SCMH1: variants seen among roughly 807,000 people sequenced by gnomAD.
SCMH1 encodes polycomb protein SCMH1.
SCMH1 carries 37 observed loss-of-function variants against 70.8 expected under a neutral mutation model. The ratio of observed to expected loss-of-function variants is 0.52; its 90% CI spans 0.40 to 0.69. The LOEUF (loss-of-function observed/expected upper bound fraction) is 0.69. SCMH1 is among the 30% of genes least tolerant of loss of function. SCMH1 has a pLI of 0.00. For missense variants in SCMH1, 607 were observed against 827.3 expected (o/e 0.73, Z 3.27); for synonymous variants, 292 against 307.4 (o/e 0.95, Z 0.52).
At chr1:41,107,912 C>A (rs1668397042) in intron 8 of SCMH1, among the ~76,000 whole-genome samples, 1 of 152,270 alleles carries the variant, frequency 6.6e-6, no homozygotes, top group Middle Eastern at 3.4e-3. Flanking sequence ...AGAGAACATT[C>A]TTTAAGTATG....
Position 41,154,644 on chromosome 1 carries a change from C to T in SCMH1, c.107-2960G>A, listed in dbSNP as rs16827938. ...TCTGTTATGATAATGATAAAGTTTA[C>T]GAGGTAGTACAGGTTGTCTTGAGAT... On this transcript the variant is annotated intron_variant, in intron 4 of 14. Coordinates refer to ENST00000337495, the Ensembl canonical transcript of SCMH1. Among the ~76,000 whole-genome samples, 6 of 152,164 alleles carry T rather than the reference C, an allele frequency of 3.9e-5. No individual in the cohort carries two copies. In the South Asian group the frequency reaches 1.2e-3, roughly 32 times the overall value.
At position 41,034,710 on chromosome 1, in the gene SCMH1, G is replaced by A. The variant is rs1645053406; in HGVS notation, c.1678+2652C>T. Among the ~76,000 whole-genome samples, 4 of 152,076 alleles carry A rather than the reference G, an allele frequency of 2.6e-5. No individual in the cohort carries two copies. The South Asian group carries it at 8.3e-4, about 32-fold the overall frequency. Reference sequence around the variant, plus strand: ...TCACTCATGCGTCCCTGGGCTGGAGGAGGCTGGAATCAGGGTGTGGAAGTG... The same window carrying A: ...TCACTCATGCGTCCCTGGGCTGGAGAAGGCTGGAATCAGGGTGTGGAAGTG... On this transcript the variant is annotated intron_variant, in intron 13 of 14. Coordinates refer to ENST00000337495, the Ensembl canonical transcript of SCMH1.
At chr1:41,097,465 A>G (rs1464260555) in intron 8 of SCMH1, among the ~76,000 whole-genome samples, 8 of 152,094 alleles carry the variant, frequency 5.3e-5, no homozygotes, top group Non-Finnish European at 1.5e-5. Context: ...GAATGTCTCA[A>G]ATTCATTTCT....
At chr1:41,066,320 C>T (rs150185830) in intron 10 of SCMH1, among the ~76,000 whole-genome samples, 1 of 152,174 alleles carries the variant, frequency 6.6e-6, no homozygotes, top group Non-Finnish European at 1.5e-5. Flanking sequence ...TGATTCCATA[C>T]GTGGGGATGT....
At chr1:41,119,981 A>G (rs906764915) in intron 6 of SCMH1, among the ~76,000 whole-genome samples, 6 of 152,170 alleles carry the variant, frequency 3.9e-5, no homozygotes, top group Admixed American at 3.3e-4. Context: ...AACTCTCCTT[A>G]GGTCAGGGAA....
intron 1 of SCMH1, among the ~76,000 whole-genome samples, chr1:41,190,185 T>C (rs999637413): frequency 1.3e-5 from 2 of 152,192 alleles, no homozygotes; most frequent in African/African-American, 4.8e-5. Flanking sequence ...ATGCACAATC[T>C]CATTTAAAGT....
At chr1:41,233,723 TCTTTAGGGC>T (rs1661758159) in intron 1 of SCMH1, among the ~76,000 whole-genome samples, 1 of 152,200 alleles carries the variant, frequency 6.6e-6, no homozygotes, top group African/African-American at 2.4e-5. Context: ...CCATTTCATG[TCTTTAGGGC>T]CTTTCACACT....
intron 14 of SCMH1, 33 bp downstream of exon 15, chr1:41,028,551 G>T: frequency 6.2e-7 from 1 of 1,613,464 alleles, no homozygotes; most frequent in Non-Finnish European, 8.5e-7. Context: ...CTCCACACAG[G>T]TTCCTACTGA....
At chr1:41,077,565 G>A (rs1223253563) in intron 8 of SCMH1, among the ~76,000 whole-genome samples, 2 of 152,300 alleles carry the variant, frequency 1.3e-5, no homozygotes, top group Admixed American at 6.5e-5. Flanking sequence ...TATAAGGGGT[G>A]AGAGGTAATA....
intron 13 of SCMH1, among the ~76,000 whole-genome samples, chr1:41,036,692 C>T (rs1419362640): frequency 6.6e-6 from 1 of 152,188 alleles, no homozygotes; most frequent in Non-Finnish European, 1.5e-5. Flanking sequence ...CTTGACCTTT[C>T]CAGGCTTTTC....
Position 41,113,421 on chromosome 1 carries a change from G to A in SCMH1, c.607C>T (p.Arg203Trp), listed in dbSNP as rs1381280086. 20 of 1,613,798 alleles carry A rather than the reference G, an allele frequency of 1.2e-5. No homozygotes were observed. The highest frequency in any genetic ancestry group is 1.6e-5 in the Non-Finnish European group (19 of 1,179,966). Residue 203 changes from arginine (R) to tryptophan (W), a missense_variant, in exon 8 of 15, where the codon CGG (arginine) becomes TGG (tryptophan). Physicochemically the swap from Arg to Trp is moderately radical, Grantham distance 101. Around this residue, in one of 3 missense-constraint regions of SCMH1, gnomAD observed 105 missense variants for 214.5 expected, o/e 0.49. Coordinates refer to ENST00000337495, the Ensembl canonical transcript of SCMH1. The surrounding 1 kb of genome is among the most constrained non-coding windows in gnomAD (Gnocchi z 4.3). ...AAAGTGACAAGCACCTCTGAGCCCC[G>A]AACCTCCCCAATAGTGGCTGGGCAA...
intron 10 of SCMH1, among the ~76,000 whole-genome samples, chr1:41,064,959 C>T (rs1474840140): frequency 1.3e-5 from 2 of 152,026 alleles, no homozygotes; most frequent in East Asian, 3.9e-4. Context: ...TTTATGTTAG[C>T]ACCAGAAAAT....
At chr1:41,171,252 C>T (rs61781832) in intron 2 of SCMH1, among the ~76,000 whole-genome samples, 1 of 152,058 alleles carries the variant, frequency 6.6e-6, no homozygotes. Flanking sequence ...ATGGAAGGGA[C>T]AGCATTTTGT....
rs201322864 is a variant in SCMH1 at position 41,120,962 on chromosome 1, T to C, written c.413-3952A>G. On this transcript the variant is annotated intron_variant, in intron 6 of 14. Transcript: ENST00000337495. ...ATGAGCCAGCTCCTTGTGCTAAGCATTTGCAGTGGATCACTACTACTATTC... is the reference window on the plus strand; with the variant it reads ...ATGAGCCAGCTCCTTGTGCTAAGCACTTGCAGTGGATCACTACTACTATTC... Among the ~76,000 whole-genome samples, 5 of 152,328 alleles carry C rather than the reference T, an allele frequency of 3.3e-5. No individual in the cohort carries two copies. In the East Asian group the frequency reaches 9.6e-4, roughly 29 times the overall value.
At chr1:41,076,948 G>A (rs1440679413) in intron 8 of SCMH1, among the ~76,000 whole-genome samples, 1 of 152,106 alleles carries the variant, frequency 6.6e-6, no homozygotes, top group African/African-American at 2.4e-5. Flanking sequence ...ATACTTAGAA[G>A]GACCACTCTG....
chr1:41,240,251 T>C (rs1370781625), intron 1 of SCMH1, among the ~76,000 whole-genome samples: 1 of 152,192 alleles, frequency 6.6e-6, no homozygotes, highest in Non-Finnish European at 1.5e-5. Flanking sequence ...TTGTCTAAGT[T>C]GTAAAAACAC....
At chr1:41,110,938 A>C (rs11805536) in intron 8 of SCMH1, among the ~76,000 whole-genome samples, 5,089 of 152,258 alleles carry the variant, frequency 0.033, 282 homozygotes, top group African/African-American at 0.12. Context: ...CCACATTCTC[A>C]GCAACATTTG....
intron 10 of SCMH1, among the ~76,000 whole-genome samples, chr1:41,067,764 A>T (rs1395898520): frequency 1.3e-5 from 2 of 152,194 alleles, no homozygotes; most frequent in East Asian, 3.9e-4. Context: ...CACAGAACGT[A>T]AAACACCAAG....
chr1:41,032,077 G>C (rs1376266607), intron 13 of SCMH1, among the ~76,000 whole-genome samples: 1 of 152,168 alleles, frequency 6.6e-6, no homozygotes, highest in Non-Finnish European at 1.5e-5. Context: ...CTATGAACCA[G>C]GAAGTGGGTC....
Sources: allele counts gnomAD v4.1 joint callset (sites outside exome capture counted in the v4.1 genomes callset), GRCh38; gene constraint gnomAD v4.1.1; regional missense constraint gnomAD v4.1.1; non-coding constraint Gnocchi (gnomAD v3.1); transcripts MANE v1.5; gene names NCBI Gene and HGNC (gene_info 2026-07-23, HGNC 2026-07-21).